ZMAT4: variants seen among roughly 807,000 people sequenced by gnomAD.
The protein encoded by ZMAT4 is zinc finger matrin-type 4, also known as zinc finger matrin-type protein 4.
ZMAT4 carries 17 observed loss-of-function variants against 28.7 expected under a neutral mutation model. That is an observed-to-expected ratio of 0.59 (90% CI 0.41 to 0.89). ZMAT4 has a LOEUF of 0.89. Ranked by LOEUF, ZMAT4 falls within the 40% of genes least tolerant of loss-of-function variation. ZMAT4 has a pLI of 0.00. For synonymous variants in ZMAT4, 117 were observed against 109.2 expected, an observed-to-expected ratio of 1.07 and a Z score of -0.44; for missense variants, 240 against 283.8, an observed-to-expected ratio of 0.85 and a Z score of 1.11.
At chr8:40,873,928 G>A (rs1396485992) in intron 1 of ZMAT4, among the ~76,000 whole-genome samples, 1 of 152,144 alleles carries the variant, frequency 6.6e-6, no homozygotes, top group Non-Finnish European at 1.5e-5. Context: ...AGTAAGCCCA[G>A]CGTGCGTGAT....
At chr8:40,822,178 C>T (rs1418023078) in intron 2 of ZMAT4, among the ~76,000 whole-genome samples, 2 of 152,182 alleles carry the variant, frequency 1.3e-5, no homozygotes, top group Non-Finnish European at 2.9e-5. Context: ...TGGAATCATA[C>T]AGGTATTTTT....
chr8:40,879,023 T>C (rs1447693040), intron 1 of ZMAT4, among the ~76,000 whole-genome samples: 1 of 152,240 alleles, frequency 6.6e-6, no homozygotes, highest in African/African-American at 2.4e-5. Flanking sequence ...GTCTGTGGCT[T>C]CCTGGAAGCT....
At chr8:40,620,833 A>C (rs993181515) in intron 5 of ZMAT4, among the ~76,000 whole-genome samples, 1 of 152,190 alleles carries the variant, frequency 6.6e-6, no homozygotes, top group Non-Finnish European at 1.5e-5. Flanking sequence ...TTTTAGTGGC[A>C]TTCTCAGGCA....
intron 2 of ZMAT4, among the ~76,000 whole-genome samples, chr8:40,775,354 G>A (rs1179282425): frequency 6.6e-6 from 1 of 152,220 alleles, no homozygotes; most frequent in African/African-American, 2.4e-5. Context: ...GAGGAGCAAG[G>A]GAGCCCACAG....
At chr8:40,791,644 G>A (rs1173886276) in intron 2 of ZMAT4, among the ~76,000 whole-genome samples, 2 of 152,164 alleles carry the variant, frequency 1.3e-5, no homozygotes. Flanking sequence ...GGAATAGTCC[G>A]AATTGCTCAC....
At chr8:40,846,763 T>C (rs1443204077) in intron 1 of ZMAT4, among the ~76,000 whole-genome samples, 1 of 152,124 alleles carries the variant, frequency 6.6e-6, no homozygotes, top group African/African-American at 2.4e-5. Context: ...GAGGCTCACC[T>C]CTCAGAGAGA....
chr8:40,824,491 G>T (rs934413613), intron 2 of ZMAT4, among the ~76,000 whole-genome samples: 1 of 151,952 alleles, frequency 6.6e-6, no homozygotes, highest in African/African-American at 2.4e-5. Flanking sequence ...AGAAAAGAAA[G>T]AAATTCATGT....
chr8:40,854,159 T>C (rs138924440), intron 1 of ZMAT4, among the ~76,000 whole-genome samples: 1 of 152,240 alleles, frequency 6.6e-6, no homozygotes, highest in African/African-American at 2.4e-5. Flanking sequence ...CCACCTCCAA[T>C]ACCAGAGATC....
intron 3 of ZMAT4, among the ~76,000 whole-genome samples, chr8:40,746,344 T>TCCTTTCCTTTCCTTC (rs1264459037): frequency 7.1e-6 from 1 of 141,572 alleles, no homozygotes; most frequent in Admixed American, 7.3e-5. Flanking sequence ...TCCTTTCCTT[T>TCCTTTCCTTTCCTTC]CCTTTCCTTC....
At chr8:40,740,227 C>T (rs1424072992) in intron 3 of ZMAT4, among the ~76,000 whole-genome samples, 1 of 152,146 alleles carries the variant, frequency 6.6e-6, no homozygotes, top group African/African-American at 2.4e-5. Flanking sequence ...CTGTCTTCCA[C>T]AATGGTTGAA....
intron 5 of ZMAT4, among the ~76,000 whole-genome samples, chr8:40,634,473 C>T (rs1806718694): frequency 6.6e-6 from 1 of 152,150 alleles, no homozygotes; most frequent in South Asian, 2.1e-4. Flanking sequence ...TTTTACAACA[C>T]AGAACACTCC....
At chr8:40,830,355 C>G (rs996749545) in intron 1 of ZMAT4, among the ~76,000 whole-genome samples, 11 of 152,106 alleles carry the variant, frequency 7.2e-5, no homozygotes, top group Non-Finnish European at 1.3e-4. Context: ...TTTGGAGCCC[C>G]CAGTGTCCTT....
At chr8:40,603,717 C>T (rs1310101296) in intron 5 of ZMAT4, among the ~76,000 whole-genome samples, 2 of 152,162 alleles carry the variant, frequency 1.3e-5, no homozygotes, top group African/African-American at 4.8e-5. Context: ...CTAGCTCCAC[C>T]TCCAGAGTTC....
At chr8:40,778,999 T>C (rs1563478373) in intron 2 of ZMAT4, among the ~76,000 whole-genome samples, 1 of 152,222 alleles carries the variant, frequency 6.6e-6, no homozygotes. Context: ...CTGTATTTAA[T>C]CAATACTAAT....
At chr8:40,891,806 G>T (rs149287473) in intron 1 of ZMAT4, among the ~76,000 whole-genome samples, 1 of 152,170 alleles carries the variant, frequency 6.6e-6, no homozygotes, top group Non-Finnish European at 1.5e-5. Flanking sequence ...ACTCACTGCC[G>T]ACCCTGAGCT....
intron 5 of ZMAT4, among the ~76,000 whole-genome samples, chr8:40,626,826 C>A (rs1806399567): frequency 6.6e-6 from 1 of 152,026 alleles, no homozygotes; most frequent in Admixed American, 6.6e-5. Context: ...CTGGAGGTGG[C>A]CATTGACAGC....
chr8:40,857,961 G>C (rs1817355513), intron 1 of ZMAT4, among the ~76,000 whole-genome samples: 1 of 152,278 alleles, frequency 6.6e-6, no homozygotes, highest in Non-Finnish European at 1.5e-5. Flanking sequence ...AAGGGCAGAC[G>C]AGACCACCCT....
In ZMAT4 at chr8:40,601,711, AAGAAAGAAAGAAAGAAAGAG is replaced by A. The variant is rs1372909110; in HGVS notation, c.578-20470_578-20451del. On this transcript the variant is annotated intron_variant, in intron 5 of 6. Transcript: ENST00000297737. ...AAGAAAGAAAGAAAGAAAGAAAAGAAAGAAAGAAAGAAAGAAAGAGAAAGCAGGCAGGCAGGCAGGCAAAG... is the reference window on the plus strand; with the variant it reads ...AAGAAAGAAAGAAAGAAAGAAAAGAAAAAGCAGGCAGGCAGGCAGGCAAAG... Among the ~76,000 whole-genome samples, 23 of 63,070 alleles carry A rather than the reference AAGAAAGAAAGAAAGAAAGAG, an allele frequency of 3.6e-4. 4 individuals are homozygous for A. Among genetic ancestry groups the A allele is most frequent in the Admixed American group, 1.2e-3 (8 of 6,748 alleles). 41.4% of individuals were successfully genotyped at this position (63,070 alleles called of 152,430 possible). A position where few individuals can be genotyped will look rare whatever the true frequency, so the allele number is the denominator to read the frequency against.
intron 5 of ZMAT4, among the ~76,000 whole-genome samples, chr8:40,644,845 T>C (rs1259921028): frequency 6.6e-6 from 1 of 152,188 alleles, no homozygotes; most frequent in African/African-American, 2.4e-5. Context: ...TTTCCCTCTG[T>C]GGTCTTTCTC....
Sources: gnomAD v4.1 joint callset for allele counts (sites outside exome capture counted in the v4.1 genomes callset) on GRCh38, gnomAD v4.1.1 for gene constraint, MANE v1.5 for transcripts, NCBI Gene and HGNC (gene_info 2026-07-23, HGNC 2026-07-21) for gene names.